The following GLMN variants were observed in gnomAD, a reference collection of about 807,000 sequenced individuals.
GLMN encodes the protein glomulin, FKBP associated protein, also known as glomulin.
In GLMN, 75 loss-of-function variants were observed where a neutral mutation model predicts 87.8. That is an observed-to-expected ratio of 0.85 (90% CI 0.71 to 1.04). The LOEUF (loss-of-function observed/expected upper bound fraction) is 1.04, where lower values mean the gene tolerates loss of function less well. GLMN is among the 50% of genes least tolerant of loss of function. The pLI is 0.00. For missense variants in GLMN, 588 were observed against 658.8 expected, an observed-to-expected ratio of 0.89 and a Z score of 1.18; for synonymous variants, 206 against 221.6, an observed-to-expected ratio of 0.93 and a Z score of 0.63.
At chr1:92,345,720 A>G in the GLMN span, 2 of 603,890 alleles carry the variant, frequency 3.3e-6, no homozygotes, top group East Asian at 2.8e-5. Context: ...TTCCTGTCAA[A>G]TATAACAAGT....
rs369086477 is a variant in GLMN at position 92,266,412 on chromosome 1, T to A, written c.1214+7A>T. The stretch of plus-strand genomic sequence containing the variant: ...ACACTTAGCAATTAGCCATGCTTGA[T>A]ACATACCTAAATAATGTATATTTGC... On this transcript the variant is annotated splice_region_variant and intron_variant, in intron 13 of 18. Coordinates refer to ENST00000370360, the MANE Select transcript of GLMN (RefSeq NM_053274.3). 43 of 1,415,946 alleles carry A rather than the reference T, an allele frequency of 3.0e-5. No homozygotes were observed. The highest frequency in any genetic ancestry group is 3.5e-5 in the Non-Finnish European group (35 of 1,000,332). 87.7% of individuals were successfully genotyped at this position (1,415,946 alleles called of 1,614,324 possible). A position where few individuals can be genotyped will look rare whatever the true frequency, so the allele number is the denominator to read the frequency against.
chr1:92,351,222 G>A, the GLMN span, among the ~76,000 whole-genome samples: 12 of 143,940 alleles, frequency 8.3e-5, no homozygotes, highest in Admixed American at 5.1e-4. Context: ...CAGGAAAACC[G>A]CTTGAACCAG....
At chr1:92,260,521 AG>A (rs1654892586) in intron 16 of GLMN, among the ~76,000 whole-genome samples, 1 of 152,078 alleles carries the variant, frequency 6.6e-6, no homozygotes, top group African/African-American at 2.4e-5. Flanking sequence ...AGACTGAGGC[AG>A]GAGAATCATT....
upstream of GLMN, among the ~76,000 whole-genome samples, chr1:92,299,497 T>C (rs1047082900): frequency 1.3e-5 from 2 of 152,094 alleles, no homozygotes; most frequent in Non-Finnish European, 2.9e-5. Context: ...GGACCGGTCC[T>C]CCTTTCCAGA....
intron 4 of GLMN, 101 bp from the exon 5 acceptor site, chr1:92,290,407 A>G: frequency 1.4e-6 from 1 of 731,880 alleles, no homozygotes; most frequent in Admixed American, 2.2e-5. Context: ...ATATTATACA[A>G]TTATGTTTTT....
intron 18 of GLMN, among the ~76,000 whole-genome samples, 184 bp from the exon 19 acceptor site, chr1:92,246,830 A>G (rs1452421347): frequency 6.6e-6 from 1 of 152,156 alleles, no homozygotes; most frequent in Non-Finnish European, 1.5e-5. Context: ...CAGGAGTTGG[A>G]GACCAGCCTG....
chr1:92,357,151 T>C, the GLMN span, among the ~76,000 whole-genome samples: 1 of 150,764 alleles, frequency 6.6e-6, no homozygotes, highest in African/African-American at 2.4e-5. Flanking sequence ...ATGCTATGAG[T>C]AAGACTGTGT....
At chr1:92,253,228 C>T (rs1653769603) in intron 16 of GLMN, among the ~76,000 whole-genome samples, 1 of 152,160 alleles carries the variant, frequency 6.6e-6, no homozygotes, top group South Asian at 2.1e-4. Flanking sequence ...TTCCTCCTCT[C>T]TCTGGGCAGG....
intron 16 of GLMN, among the ~76,000 whole-genome samples, chr1:92,251,940 C>T (rs1413403563): frequency 2.6e-5 from 4 of 151,892 alleles, no homozygotes; most frequent in South Asian, 2.1e-4. Flanking sequence ...GGATTATAAG[C>T]GTCTGCCACC....
upstream of GLMN, chr1:92,299,047 T>A (rs1557581275): frequency 7.3e-7 from 1 of 1,374,812 alleles, no homozygotes; most frequent in Admixed American, 2.5e-5. Flanking sequence ...CCGGAGCGTG[T>A]CCCCGTCCGG....
chr1:92,370,751 A>G, the GLMN span, among the ~76,000 whole-genome samples: 2 of 152,296 alleles, frequency 1.3e-5, no homozygotes, highest in East Asian at 1.9e-4. Flanking sequence ...TTAATTCTTA[A>G]TAGAAGGAGA....
At chr1:92,296,397 C>T (rs987498122) in intron 3 of GLMN, among the ~76,000 whole-genome samples, 7 of 152,110 alleles carry the variant, frequency 4.6e-5, no homozygotes, top group South Asian at 4.1e-4. Flanking sequence ...ACAATCATGG[C>T]GGAAGGCACC....
intron 16 of GLMN, among the ~76,000 whole-genome samples, chr1:92,255,694 A>C (rs993363497): frequency 6.6e-6 from 1 of 152,216 alleles, no homozygotes; most frequent in African/African-American, 2.4e-5. Flanking sequence ...GGCAGAAATA[A>C]ATAAGTTCTT....
At chr1:92,297,823 A>G (rs1650307308) in intron 2 of GLMN, 138 bp downstream of exon 2, 1 of 644,106 alleles carries the variant, frequency 1.6e-6, no homozygotes, top group Non-Finnish European at 2.8e-6. Context: ...TGCCTCCCCC[A>G]CTCATGCTCT....
chr1:92,256,876 T>C (rs946319423), intron 16 of GLMN, among the ~76,000 whole-genome samples: 23 of 151,914 alleles, frequency 1.5e-4, no homozygotes, highest in African/African-American at 5.3e-4. Context: ...ACCACTCCTA[T>C]TCAACATAGT....
the GLMN span, among the ~76,000 whole-genome samples, chr1:92,328,023 G>T: frequency 2.0e-5 from 3 of 152,192 alleles, no homozygotes; most frequent in Admixed American, 6.5e-5. Context: ...TGAGAAATCT[G>T]CTGTTAATCT....
the GLMN span, chr1:92,333,157 C>A: frequency 9.0e-6 from 4 of 446,904 alleles, no homozygotes; most frequent in Non-Finnish European, 1.6e-5. Context: ...TATTAATATC[C>A]CAATTATAAA....
chr1:92,249,142 AAC>A lies in GLMN; in HGVS notation c.1474-1155_1474-1154del, dbSNP rs200933153. On this transcript the variant is annotated intron_variant, in intron 16 of 18. Transcript: ENST00000370360. Reference sequence around the variant, plus strand: ...TGGTGAATGGGAAAAAAGGTTATAAAACAGTGTGATTCTTTTAGTATGATCTC... The same window carrying A: ...TGGTGAATGGGAAAAAAGGTTATAAAAGTGTGATTCTTTTAGTATGATCTC... Among the ~76,000 whole-genome samples the A allele has an allele frequency of 9.3e-3, 1,408 of 152,194 alleles. 19 individuals are homozygous for A. Among genetic ancestry groups the A allele is most frequent in the African/African-American group, 0.032 (1,347 of 41,554 alleles).
At chr1:92,299,149 A>T, upstream of GLMN, 1 of 1,503,328 alleles carries the variant, frequency 6.7e-7, no homozygotes, top group Non-Finnish European at 8.9e-7. Flanking sequence ...AGCCGCAGGT[A>T]GGAGCAAGGA....
Sources: allele counts gnomAD v4.1 joint callset (sites outside exome capture counted in the v4.1 genomes callset), GRCh38; gene constraint gnomAD v4.1.1; transcripts MANE v1.5; gene names NCBI Gene and HGNC (gene_info 2026-07-23, HGNC 2026-07-21).